COL6A6: variants seen among roughly 807,000 people sequenced by gnomAD.
The protein encoded by COL6A6 is collagen alpha-6(VI) chain.
COL6A6 carries 183 observed loss-of-function variants against 208.6 expected under a neutral mutation model. The observed-to-expected ratio is 0.88, with a 90% CI of 0.78 to 0.99. The LOEUF (loss-of-function observed/expected upper bound fraction) is 0.99. Among genes scored for constraint, COL6A6 ranks in the 50% least tolerant of loss-of-function variants. COL6A6 has a pLI of 0.00. For missense variants in COL6A6, 2,816 were observed against 2,815.2 expected, an observed-to-expected ratio of 1.00 and a Z score of -0.01; for synonymous variants, 973 against 1,011.8, an observed-to-expected ratio of 0.96 and a Z score of 0.73.
rs542649044 is a variant in COL6A6, at chr3:130,638,160, CCTCA to C, written c.5091+2407_5091+2410del. 1.6e-4 allele frequency among the ~76,000 whole-genome samples: 25 copies of C among 152,104 alleles called. No homozygotes were observed. The East Asian group carries it at 4.4e-3, about 27-fold the overall frequency. On this transcript the variant is annotated intron_variant, in intron 28 of 36. Coordinates refer to ENST00000358511, the MANE Select transcript of COL6A6 (RefSeq NM_001102608.3). ...TTAAAAAAAAAAAAATCCTTCACCC[CCTCA>C]CTCACTCCCATTTCCTTCTCCCCAG...
intron 33 of COL6A6, among the ~76,000 whole-genome samples, chr3:130,651,193 T>C (rs1253776014): frequency 1.3e-5 from 2 of 152,110 alleles, no homozygotes; most frequent in African/African-American, 4.8e-5. Flanking sequence ...TTTGGGAGGC[T>C]GAGGCGGGCA....
Position 130,566,984 on chromosome 3 carries a change from CACT to C in COL6A6, c.1566_1568del (p.Leu523del), listed in dbSNP as rs1560000264. On this transcript the variant is annotated inframe_deletion, in exon 5 of 37. Coordinates refer to ENST00000358511, the MANE Select transcript of COL6A6 (RefSeq NM_001102608.3). Reference sequence around the variant, plus strand: ...AACACAGGCGCAGCACTGAATTTCACACTGAGTCTGTTGCAAAAAGCAAAGAAG... The same window carrying C: ...AACACAGGCGCAGCACTGAATTTCACGAGTCTGTTGCAAAAAGCAAAGAAG... The C allele has an allele frequency of 1.2e-6, 2 of 1,613,936 alleles. No homozygotes were observed. Among genetic ancestry groups the C allele is most frequent in the African/African-American group, 2.7e-5 (2 of 74,932 alleles).
At chr3:130,674,541 A>C (rs2066312381) in intron 36 of COL6A6, among the ~76,000 whole-genome samples, 1 of 152,210 alleles carries the variant, frequency 6.6e-6, no homozygotes, top group South Asian at 2.1e-4. Flanking sequence ...TGTACCTAAC[A>C]CCGTGCCTTC....
chr3:130,638,528 A>G (rs980505505), intron 28 of COL6A6, among the ~76,000 whole-genome samples: 1 of 152,058 alleles, frequency 6.6e-6, no homozygotes, highest in Non-Finnish European at 1.5e-5. Flanking sequence ...TCTGCGTTGG[A>G]TCTCTGCTTC....
intron 10 of COL6A6, among the ~76,000 whole-genome samples, chr3:130,583,567 A>C (rs1405612911): frequency 6.6e-6 from 1 of 152,228 alleles, no homozygotes; most frequent in Non-Finnish European, 1.5e-5. Flanking sequence ...TTCAGAAGCT[A>C]TATTTTGAAT....
intron 1 of COL6A6, among the ~76,000 whole-genome samples, chr3:130,550,636 C>T (rs1357519258): frequency 2.6e-5 from 4 of 152,172 alleles, no homozygotes; most frequent in African/African-American, 7.2e-5. Flanking sequence ...GCAGAACCCC[C>T]TCATAAACCC....
intron 1 of COL6A6, among the ~76,000 whole-genome samples, chr3:130,537,509 A>G (rs866334465): frequency 3.9e-5 from 6 of 152,196 alleles, no homozygotes; most frequent in Admixed American, 2.6e-4. Flanking sequence ...GGTACTTAAT[A>G]CTTGAGCTAA....
intron 33 of COL6A6, among the ~76,000 whole-genome samples, chr3:130,651,207 C>T (rs1317411256): frequency 1.3e-5 from 2 of 152,050 alleles, no homozygotes; most frequent in Non-Finnish European, 2.9e-5. Flanking sequence ...GCGGGCAGAT[C>T]ACGAGGTCCA....
chr3:130,571,162 A>T lies in COL6A6; in HGVS notation c.2746A>T (p.Ile916Phe). 6.2e-7 allele frequency: 1 copy of T among 1,613,482 alleles called. No individual in the cohort carries two copies. The highest frequency in any genetic ancestry group is 8.5e-7 in the Non-Finnish European group (1 of 1,179,522). ...GAACAAGGGGGTCCCCCAAGTCCTC[A>T]TTGTGATCACCGATGGGGAATCCCA... ...RLNKGVPQVL[I>F]VITDGESHDA... The change falls in exon 7 of 37, where the codon ATT (isoleucine) becomes TTT (phenylalanine). Residue 916 changes from isoleucine (I) to phenylalanine (F), a missense_variant. Ile to Phe is a conservative substitution (Grantham distance 21). Transcript: ENST00000358511.
intron 36 of COL6A6, among the ~76,000 whole-genome samples, chr3:130,667,338 G>A (rs2066100260): frequency 6.6e-6 from 1 of 152,132 alleles, no homozygotes; most frequent in Non-Finnish European, 1.5e-5. Flanking sequence ...CCAGGTTCAA[G>A]CAATTCTCCT....
intron 28 of COL6A6, among the ~76,000 whole-genome samples, chr3:130,638,997 C>A (rs934861639): frequency 6.6e-6 from 1 of 152,134 alleles, no homozygotes; most frequent in African/African-American, 2.4e-5. Flanking sequence ...AAGTGTTGGT[C>A]AATTATTTTG....
intron 7 of COL6A6, 96 bp downstream of exon 7, chr3:130,571,489 A>C (rs899327803): frequency 2.5e-6 from 2 of 796,536 alleles, no homozygotes; most frequent in Non-Finnish European, 2.0e-6. Flanking sequence ...TTTTCCAGAG[A>C]GGAGAGAAGG....
At chr3:130,583,381 G>A (rs1311139215) in intron 10 of COL6A6, among the ~76,000 whole-genome samples, 1 of 152,024 alleles carries the variant, frequency 6.6e-6, no homozygotes, top group Non-Finnish European at 1.5e-5. Flanking sequence ...GGGTTGTTTT[G>A]GTGGTTGCTG....
chr3:130,644,004 A>G (rs2065393233), intron 31 of COL6A6, among the ~76,000 whole-genome samples: 1 of 152,204 alleles, frequency 6.6e-6, no homozygotes, highest in South Asian at 2.1e-4. Context: ...CATAGGAACC[A>G]TGTAAATTGT....
chr3:130,544,562 G>T (rs982771912), intron 1 of COL6A6, among the ~76,000 whole-genome samples: 2 of 152,182 alleles, frequency 1.3e-5, no homozygotes, highest in Admixed American at 1.3e-4. Context: ...GGGATGCAGG[G>T]ATTGCAGGGT....
intron 8 of COL6A6, among the ~76,000 whole-genome samples, chr3:130,579,044 A>G (rs1205010100): frequency 6.6e-6 from 1 of 152,174 alleles, no homozygotes; most frequent in Non-Finnish European, 1.5e-5. Context: ...TTTTTAATCT[A>G]AAATACCCCA....
chr3:130,672,495 C>T (rs1377783574), intron 36 of COL6A6, among the ~76,000 whole-genome samples: 9 of 151,522 alleles, frequency 5.9e-5, no homozygotes, highest in Admixed American at 1.3e-4. Context: ...CTCTGCCTCC[C>T]GGGTTCAAGC....
At position 130,593,116 on chromosome 3, in the gene COL6A6, C is replaced by G; in HGVS notation, c.4416+11C>G. On this transcript the variant is annotated intron_variant, in intron 16 of 36. Transcript: ENST00000358511. ...TTAAACGGAGAACAGGTAGAGCCTTCTTGTACCATAGAGACCCTTCTGAGC... is the reference window on the plus strand; with the variant it reads ...TTAAACGGAGAACAGGTAGAGCCTTGTTGTACCATAGAGACCCTTCTGAGC... The G allele has an allele frequency of 6.2e-7, 1 of 1,613,304 alleles. No individual in the cohort carries two copies. The highest frequency in any genetic ancestry group is 8.5e-7 in the Non-Finnish European group (1 of 1,179,312).
intron 36 of COL6A6, among the ~76,000 whole-genome samples, chr3:130,666,967 T>C (rs1157716957): frequency 2.0e-5 from 3 of 151,988 alleles, no homozygotes; most frequent in Non-Finnish European, 4.4e-5. Context: ...AAATAAATTG[T>C]AATTAGGCTG....
Sources: gnomAD v4.1 joint callset for allele counts (sites outside exome capture counted in the v4.1 genomes callset) on GRCh38, gnomAD v4.1.1 for gene constraint, MANE v1.5 for transcripts, NCBI Gene and HGNC (gene_info 2026-07-23, HGNC 2026-07-21) for gene names.